Variants in PDE3A observed in about 807,000 individuals in gnomAD.
PDE3A encodes the protein cGMP-inhibited 3',5'-cyclic phosphodiesterase 3A.
PDE3A carries 43 observed loss-of-function variants against 98.3 expected under a neutral mutation model. The observed-to-expected ratio is 0.44, with a 90% CI of 0.34 to 0.56. PDE3A has a LOEUF of 0.56. PDE3A is among the 20% of genes least tolerant of loss of function. PDE3A has a pLI of 0.01. For missense variants in PDE3A, 1,427 were observed against 1,440.7 expected (o/e 0.99, Z 0.15); for synonymous variants, 663 against 567.9 (o/e 1.17, Z -2.38).
chr12:20,525,468 G>GC (rs1491313565), intron 1 of PDE3A, among the ~76,000 whole-genome samples: 4 of 91,952 alleles, frequency 4.4e-5, no homozygotes, highest in African/African-American at 8.2e-5. Context: ...TGATTTGGTT[G>GC]GGGGGGGGGG....
intron 1 of PDE3A, among the ~76,000 whole-genome samples, chr12:20,375,527 T>C (rs1162020704): frequency 2.0e-5 from 3 of 151,904 alleles, no homozygotes; most frequent in Non-Finnish European, 4.4e-5. Context: ...TAAAAAATAT[T>C]AGTTGACCAT....
At chr12:20,387,886 T>C (rs1943841573) in intron 1 of PDE3A, among the ~76,000 whole-genome samples, 1 of 151,984 alleles carries the variant, frequency 6.6e-6, no homozygotes. Flanking sequence ...TGAAACACAA[T>C]TGAGGATAGG....
intron 1 of PDE3A, among the ~76,000 whole-genome samples, chr12:20,546,574 A>G (rs1294277989): frequency 6.6e-6 from 1 of 152,042 alleles, no homozygotes; most frequent in African/African-American, 2.4e-5. Context: ...GAAAAAGAGT[A>G]TGCCAAGGAA....
intron 10 of PDE3A, among the ~76,000 whole-genome samples, chr12:20,645,130 C>G (rs1032138634): frequency 8.6e-5 from 13 of 151,960 alleles, no homozygotes; most frequent in African/African-American, 3.1e-4. Flanking sequence ...TTCAAATGAT[C>G]CACTCACCTC....
At position 20,368,862 on chromosome 12, in the gene PDE3A, C is replaced by A. The variant is rs369611377; in HGVS notation, c.-423C>A. On this transcript the variant is annotated 5_prime_UTR_variant, in exon 1 of 16. Coordinates refer to ENST00000359062, the MANE Select transcript of PDE3A (RefSeq NM_000921.5). ...TGGCCCGGAGCCCGCCCTGCGCCCC[C>A]GGCTCCTCCAGCGTCAGCGGCTCCT... Among the ~76,000 whole-genome samples the A allele has an allele frequency of 2.2e-4, 33 of 152,108 alleles. No homozygotes were observed. Among genetic ancestry groups the A allele is most frequent in the African/African-American group, 7.5e-4 (31 of 41,546 alleles).
chr12:20,688,378 T>C lies in PDE3A; in HGVS notation c.*8107T>C, dbSNP rs918238544. 1.3e-5 allele frequency among the ~76,000 whole-genome samples: 2 copies of C among 151,854 alleles called. No individual in the cohort carries two copies. Among genetic ancestry groups the C allele is most frequent in the Non-Finnish European group, 2.9e-5 (2 of 67,904 alleles). On this transcript the variant is annotated 3_prime_UTR_variant, in exon 16 of 16. Transcript: ENST00000359062. ...TACAGAAAAAAAACTAGATCAATTG[T>C]ATTTATTTTTATTATTTTTTAGCTT...
chr12:20,403,006 CCTA>C (rs1024666970), intron 1 of PDE3A, among the ~76,000 whole-genome samples: 8 of 152,232 alleles, frequency 5.3e-5, no homozygotes, highest in African/African-American at 1.9e-4. Context: ...ATATATAACT[CCTA>C]CTCATTATGT....
At chr12:20,469,971 C>T (rs1275994882) in intron 1 of PDE3A, among the ~76,000 whole-genome samples, 1 of 152,170 alleles carries the variant, frequency 6.6e-6, no homozygotes, top group Non-Finnish European at 1.5e-5. Context: ...ATGACATTCT[C>T]TGCCAATAAT....
chr12:20,392,886 A>C (rs1280463898), intron 1 of PDE3A, among the ~76,000 whole-genome samples: 4 of 152,064 alleles, frequency 2.6e-5, no homozygotes, highest in Non-Finnish European at 5.9e-5. Context: ...ACAGACAAGT[A>C]CTTCAAGTTC....
chr12:20,374,018 C>T (rs1039598153), intron 1 of PDE3A, among the ~76,000 whole-genome samples: 9 of 152,050 alleles, frequency 5.9e-5, no homozygotes, highest in African/African-American at 2.2e-4. Context: ...GAAATAATCA[C>T]GGACTTTTAA....
intron 2 of PDE3A, 41 bp from the exon 3 acceptor site, chr12:20,613,402 A>T: frequency 6.2e-7 from 1 of 1,602,922 alleles, no homozygotes; most frequent in Non-Finnish European, 8.5e-7. Flanking sequence ...CTTCAGATTC[A>T]GGCCTTTTCT....
At chr12:20,614,425 A>G (rs1383352991) in intron 3 of PDE3A, among the ~76,000 whole-genome samples, 1 of 151,748 alleles carries the variant, frequency 6.6e-6, no homozygotes, top group African/African-American at 2.4e-5. Flanking sequence ...TTATTTATTT[A>G]GTAAACAATC....
At chr12:20,623,926 CATAA>C (rs1944199084) in intron 5 of PDE3A, among the ~76,000 whole-genome samples, 2 of 152,018 alleles carry the variant, frequency 1.3e-5, no homozygotes, top group Admixed American at 6.6e-5. Context: ...ACATTAAATT[CATAA>C]ATAATAGTAT....
intron 15 of PDE3A, among the ~76,000 whole-genome samples, chr12:20,663,304 G>A (rs1016408845): frequency 1.3e-5 from 2 of 152,216 alleles, no homozygotes; most frequent in African/African-American, 4.8e-5. Flanking sequence ...ACCACACAGA[G>A]TTCCTACTGG....
intron 1 of PDE3A, among the ~76,000 whole-genome samples, chr12:20,515,350 C>T (rs963873236): frequency 2.0e-5 from 3 of 152,196 alleles, no homozygotes; most frequent in Non-Finnish European, 2.9e-5. Context: ...TTTCTGAATG[C>T]ATGACCTCAG....
chr12:20,542,052 T>G (rs1449072647), intron 1 of PDE3A, among the ~76,000 whole-genome samples: 1 of 152,060 alleles, frequency 6.6e-6, no homozygotes, highest in Non-Finnish European at 1.5e-5. Context: ...TTGTAGTCCG[T>G]CTATGCTTTT....
At chr12:20,481,822 G>C (rs1021281063) in intron 1 of PDE3A, among the ~76,000 whole-genome samples, 4 of 129,668 alleles carry the variant, frequency 3.1e-5, no homozygotes, top group Admixed American at 2.8e-4. Context: ...TGGAATGCAG[G>C]GGTGCGATCT....
chr12:20,525,525 A>G (rs1248364730), intron 1 of PDE3A, among the ~76,000 whole-genome samples: 1 of 151,916 alleles, frequency 6.6e-6, no homozygotes, highest in Non-Finnish European at 1.5e-5. Flanking sequence ...CTTTCAAAAT[A>G]TCTTCAAGAT....
chr12:20,627,216 G>A (rs1788786676), intron 5 of PDE3A, among the ~76,000 whole-genome samples: 1 of 150,216 alleles, frequency 6.7e-6, no homozygotes, highest in Non-Finnish European at 1.5e-5. Flanking sequence ...AACAGCTAAG[G>A]AATTGCCTAA....
Sources: gnomAD v4.1 joint callset for allele counts (sites outside exome capture counted in the v4.1 genomes callset) on GRCh38, gnomAD v4.1.1 for gene constraint, MANE v1.5 for transcripts, NCBI Gene and HGNC (gene_info 2026-07-23, HGNC 2026-07-21) for gene names.